Variants in LUZP2 observed in about 807,000 individuals in gnomAD.
LUZP2 encodes leucine zipper protein 2.
LUZP2 carries 52 observed loss-of-function variants against 51.6 expected under a neutral mutation model. That is an observed-to-expected ratio of 1.01 (90% CI 0.81 to 1.27). The LOEUF is 1.27. LUZP2 is among the 50% of genes most tolerant of loss of function. LUZP2 has a pLI of 0.00. For synonymous variants in LUZP2, 154 were observed against 137.3 expected (o/e 1.12, Z -0.85); for missense variants, 436 against 395.4 (o/e 1.10, Z -0.87).
chr11:24,550,722 A>G (rs887603670), intron 1 of LUZP2, among the ~76,000 whole-genome samples: 13 of 152,104 alleles, frequency 8.5e-5, no homozygotes, highest in Non-Finnish European at 1.3e-4. Context: ...TTGTTGTCTA[A>G]ATGTTTGCAA....
chr11:25,055,817 G>T (rs745325546), intron 10 of LUZP2, among the ~76,000 whole-genome samples: 4 of 152,122 alleles, frequency 2.6e-5, no homozygotes, highest in Non-Finnish European at 5.9e-5. Flanking sequence ...TTCCAGCTGT[G>T]TAATCATGAA....
chr11:24,928,459 TG>T (rs906831976), intron 7 of LUZP2, among the ~76,000 whole-genome samples: 9 of 151,956 alleles, frequency 5.9e-5, no homozygotes, highest in African/African-American at 1.7e-4. Flanking sequence ...TTTTGTCAAA[TG>T]TTTTTTTCTG....
intron 1 of LUZP2, among the ~76,000 whole-genome samples, chr11:24,579,825 G>A (rs1351602217): frequency 2.6e-5 from 4 of 151,998 alleles, no homozygotes; most frequent in Non-Finnish European, 5.9e-5. Context: ...AATACTAACT[G>A]ATGACATATT....
At chr11:24,779,825 G>T (rs1015753283) in intron 5 of LUZP2, among the ~76,000 whole-genome samples, 3 of 151,768 alleles carry the variant, frequency 2.0e-5, no homozygotes, top group African/African-American at 7.3e-5. Context: ...GGCAGAGAGA[G>T]ATTTGACACA....
chr11:24,837,761 G>C (rs750733815), intron 5 of LUZP2, among the ~76,000 whole-genome samples: 1 of 151,630 alleles, frequency 6.6e-6, no homozygotes, highest in Non-Finnish European at 1.5e-5. Context: ...AAAAGACTTA[G>C]AGTGTGGAAT....
chr11:24,875,734 T>C (rs1852235522), intron 5 of LUZP2, among the ~76,000 whole-genome samples: 1 of 152,044 alleles, frequency 6.6e-6, no homozygotes, highest in African/African-American at 2.4e-5. Context: ...GTAAAAGTGT[T>C]CCTATTTCTC....
rs151105274 is a variant in LUZP2 at position 24,668,472 on chromosome 11, T to C, written c.63-60697T>C. Among the ~76,000 whole-genome samples, 157 of 152,302 alleles carry C rather than the reference T, an allele frequency of 1.0e-3. 1 individual carries two copies. Among genetic ancestry groups the C allele is most frequent in the African/African-American group, 3.4e-3 (143 of 41,574 alleles). On this transcript the variant is annotated intron_variant, in intron 1 of 11. Coordinates refer to ENST00000336930, the MANE Select transcript of LUZP2 (RefSeq NM_001009909.4). ...ACATGCTGAAAGGTCTAGAAACATA[T>C]ATTCAGAAACTAGCAACCCTTGTAA...
intron 1 of LUZP2, among the ~76,000 whole-genome samples, chr11:24,531,224 G>A (rs1428812894): frequency 2.7e-5 from 4 of 150,232 alleles, no homozygotes; most frequent in African/African-American, 4.9e-5. Flanking sequence ...TGTATATTCT[G>A]GTAATTGAAG....
At chr11:24,959,889 G>T (rs1855340814) in intron 7 of LUZP2, among the ~76,000 whole-genome samples, 1 of 152,150 alleles carries the variant, frequency 6.6e-6, no homozygotes. Context: ...CTGTGGGTTT[G>T]TCATAGATAG....
chr11:24,984,519 A>G (rs953325141), intron 9 of LUZP2, among the ~76,000 whole-genome samples: 62 of 15,860 alleles, frequency 3.9e-3, no homozygotes, highest in African/African-American at 0.011. Context: ...TGTAAATTAC[A>G]TATTTTATAT....
intron 1 of LUZP2, among the ~76,000 whole-genome samples, chr11:24,514,784 T>C (rs1049380759): frequency 7.2e-5 from 11 of 152,148 alleles, no homozygotes; most frequent in Non-Finnish European, 1.0e-4. Context: ...CCCACTGGTG[T>C]TGAAGAAAGA....
rs553545511 is a variant in LUZP2, at chr11:24,516,956, C to A, written c.62+19651C>A. On this transcript the variant is annotated intron_variant, in intron 1 of 11. Transcript: ENST00000336930. ...CAAGAAATAAACTCTGTGATACAAT[C>A]TATGTGCCAAGCTCTCTATGTGGCT... Among the ~76,000 whole-genome samples the A allele has an allele frequency of 3.2e-4, 48 of 152,244 alleles. No homozygotes were observed. The East Asian group carries it at 9.1e-3, about 29-fold the overall frequency.
chr11:24,786,189 T>C (rs1849240424), intron 5 of LUZP2: 3 of 965,722 alleles, frequency 3.1e-6, no homozygotes, highest in Non-Finnish European at 3.7e-6. Flanking sequence ...AAGAAGCATA[T>C]TATATATTTT....
intron 7 of LUZP2, among the ~76,000 whole-genome samples, chr11:24,974,248 A>T (rs1297037732): frequency 6.6e-6 from 1 of 151,962 alleles, no homozygotes; most frequent in Non-Finnish European, 1.5e-5. Context: ...AGAAATTAGG[A>T]TTGCAACCTC....
intron 4 of LUZP2, among the ~76,000 whole-genome samples, chr11:24,743,667 T>C (rs887436748): frequency 6.6e-6 from 1 of 152,106 alleles, no homozygotes; most frequent in Non-Finnish European, 1.5e-5. Context: ...TTTACCAATT[T>C]GGATGCCATT....
At chr11:25,048,011 A>G (rs1342213993) in intron 9 of LUZP2, among the ~76,000 whole-genome samples, 2 of 152,010 alleles carry the variant, frequency 1.3e-5, no homozygotes, top group African/African-American at 4.8e-5. Context: ...GAGACACATG[A>G]TGTTATCCAG....
In LUZP2 at chr11:24,570,651, G is replaced by A. The variant is rs371676070; in HGVS notation, c.62+73346G>A. 4.6e-5 allele frequency among the ~76,000 whole-genome samples: 7 copies of A among 151,980 alleles called. No homozygotes were observed. The East Asian group carries it at 7.8e-4, about 17-fold the overall frequency. On this transcript the variant is annotated intron_variant, in intron 1 of 11. Transcript: ENST00000336930. ...AAATAGATATTTCACTTTAAGAAAT[G>A]GTACAGAAACTTACAGATGGAAGAA...
intron 7 of LUZP2, among the ~76,000 whole-genome samples, chr11:24,972,139 G>GAAAAAAAAA (rs10701148): frequency 2.4e-4 from 8 of 32,798 alleles, no homozygotes; most frequent in African/African-American, 6.2e-4. Context: ...GTGAGACTCC[G>GAAAAAAAAA]AAAAAAAAAA....
intron 5 of LUZP2, among the ~76,000 whole-genome samples, chr11:24,877,896 A>C (rs1761581382): frequency 6.6e-6 from 1 of 152,142 alleles, no homozygotes; most frequent in South Asian, 2.1e-4. Context: ...TACTTAATAT[A>C]GTGACTTCCG....
Sources: gnomAD v4.1 joint callset for allele counts (sites outside exome capture counted in the v4.1 genomes callset) on GRCh38, gnomAD v4.1.1 for gene constraint, MANE v1.5 for transcripts, NCBI Gene and HGNC (gene_info 2026-07-23, HGNC 2026-07-21) for gene names.